Variants in PDGFRB observed in about 807,000 individuals in gnomAD.
The protein encoded by PDGFRB is platelet-derived growth factor receptor beta.
A neutral mutation model predicts 120.2 loss-of-function variants in PDGFRB; 42 were observed. That is an observed-to-expected ratio of 0.35 (90% confidence interval 0.27 to 0.45). The LOEUF (loss-of-function observed/expected upper bound fraction) is 0.45. Among genes scored for constraint, PDGFRB ranks in the 20% least tolerant of loss-of-function variants. The probability of loss-of-function intolerance (pLI) is 1.00; values close to 1 mark genes in which losing one functional copy is unlikely to be tolerated. For synonymous variants in PDGFRB, 586 were observed against 606.8 expected, an observed-to-expected ratio of 0.97 and a Z score of 0.50; for missense variants, 1,149 against 1,476.3, an observed-to-expected ratio of 0.78 and a Z score of 3.63.
chr5:150,118,268 T>G (rs1760026505), intron 21 of PDGFRB, among the ~76,000 whole-genome samples: 1 of 152,138 alleles, frequency 6.6e-6, no homozygotes, highest in Admixed American at 6.5e-5. Context: ...AAGAAGGAGC[T>G]GCCTCTGTGT....
In PDGFRB at chr5:150,121,991, T is replaced by G. The variant is rs2113891291; in HGVS notation, c.2233A>C (p.Lys745Gln). The part of the protein sequence containing the change: ...ESDGGYMDMS[K>Q]DESVDYVPML... ...GGCACATAGTCCACCGACTCGTCCTTGCTCATGTCCATGTAGCCACCGTCG... is the reference window on the plus strand; with the variant it reads ...GGCACATAGTCCACCGACTCGTCCTGGCTCATGTCCATGTAGCCACCGTCG... Residue 745 changes from lysine (K) to glutamine (Q), a missense_variant, in exon 16 of 23, where the codon AAG becomes CAG. This residue lies in a region of PDGFRB where 879 missense variants were observed against 1,108.6 expected (regional missense o/e 0.79). Transcript: ENST00000261799. This position sits in a 1 kb window ranked among gnomAD's most constrained non-coding sequence, Gnocchi z 4.1. 6.2e-7 allele frequency: 1 copy of G among 1,613,940 alleles called. No individual in the cohort carries two copies. The highest frequency in any genetic ancestry group is 1.3e-5 in the African/African-American group (1 of 75,050).
intron 12 of PDGFRB, 75 bp from the exon 13 acceptor site, chr5:150,124,906 C>T (rs1760252914): frequency 7.4e-6 from 5 of 672,650 alleles, no homozygotes; most frequent in South Asian, 3.6e-5. Flanking sequence ...CCCCTCCCCC[C>T]ACTCCCCTAC....
intron 1 of PDGFRB, among the ~76,000 whole-genome samples, chr5:150,146,821 G>A (rs565110625): frequency 1.3e-4 from 20 of 152,194 alleles, no homozygotes; most frequent in Non-Finnish European, 2.1e-4. Context: ...CTCTAATGGC[G>A]TCCATACGGA....
chr5:150,117,349 G>A (rs1003794457), intron 22 of PDGFRB, among the ~76,000 whole-genome samples: 1 of 152,142 alleles, frequency 6.6e-6, no homozygotes, highest in Non-Finnish European at 1.5e-5. Context: ...TAACCTCTGG[G>A]GGCTCCCTTA....
Position 150,129,729 on chromosome 5 carries a change from T to C in PDGFRB, c.1579+28A>G, listed in dbSNP as rs764495009. 5.7e-6 allele frequency: 9 copies of C among 1,580,556 alleles called. No individual in the cohort carries two copies. The East Asian group carries it at 1.8e-4, about 31-fold the overall frequency. On this transcript the variant is annotated intron_variant, in intron 10 of 22. Transcript: ENST00000261799. The stretch of plus-strand genomic sequence containing the variant: ...AGGATTAAGGTAGGGATTGGGATCG[T>C]CAGGGGCCACTGAGGCTGGGGACTC...
intron 1 of PDGFRB, among the ~76,000 whole-genome samples, chr5:150,150,702 G>GA (rs1309102482): frequency 6.6e-6 from 1 of 152,074 alleles, no homozygotes; most frequent in African/African-American, 2.4e-5. Flanking sequence ...GCTCAGGAGG[G>GA]ATGTGAAGTG....
In PDGFRB at chr5:150,133,950, G is replaced by A. The variant is rs1645918062; in HGVS notation, c.690C>T (p.Asn230=). Residue 230 remains asparagine, a synonymous_variant, in exon 5 of 23, where the codon AAC becomes AAT. Transcript: ENST00000261799. ...AVQTVVRQGE[N]ITLMCIVIGN... ...CGATCACAATGCACATGAGGGTGAT[G>A]TTCTCACCCTGGCGGACCACAGTCT... is the stretch of plus-strand genomic sequence containing the variant. 1 of 1,610,566 alleles carries A rather than the reference G, an allele frequency of 6.2e-7. No individual in the cohort carries two copies. Among genetic ancestry groups the A allele is most frequent in the African/African-American group, 1.3e-5 (1 of 74,970 alleles).
At chr5:150,130,370 C>T (rs931787071) in intron 9 of PDGFRB, among the ~76,000 whole-genome samples, 169 bp downstream of exon 9, 1 of 152,154 alleles carries the variant, frequency 6.6e-6, no homozygotes, top group Non-Finnish European at 1.5e-5. Flanking sequence ...GGAAAAGGGA[C>T]CATTTAGGTC....
intron 1 of PDGFRB, among the ~76,000 whole-genome samples, chr5:150,145,391 T>G (rs1760893025): frequency 6.6e-6 from 1 of 152,258 alleles, no homozygotes; most frequent in Admixed American, 6.5e-5. Flanking sequence ...AACTTTGCAG[T>G]TGGTGGCTGT....
intron 19 of PDGFRB, 122 bp downstream of exon 19, chr5:150,119,890 G>T: frequency 1.4e-6 from 1 of 697,862 alleles, no homozygotes; most frequent in Non-Finnish European, 2.7e-6. Flanking sequence ...TAGCAGAGCT[G>T]GGACCTGAAC....
Position 150,133,633 on chromosome 5 carries a change from C to G in PDGFRB, c.887G>C (p.Ser296Thr), listed in dbSNP as rs1760538187. 1 of 1,614,028 alleles carries G rather than the reference C, an allele frequency of 6.2e-7. No homozygotes were observed. The highest frequency in any genetic ancestry group is 1.3e-5 in the African/African-American group (1 of 74,924). The stretch of plus-strand genomic sequence containing the variant: ...CTTTTCATCCTGATGGTCATTCACA[C>G]TCTCCGTCACATTGCAGGTGTAGGT... ...SGTYTCNVTESVNDHQDEKAI... is the reference protein window; with the variant it reads ...SGTYTCNVTETVNDHQDEKAI... The change falls in exon 6 of 23, where the codon AGT becomes ACT. Residue 296 changes from serine to threonine, a missense_variant. By Grantham distance (58) the Ser-to-Thr change is moderately conservative (BLOSUM62 1). This residue lies in a region of PDGFRB where 879 missense variants were observed against 1,108.6 expected (regional missense o/e 0.79). Coordinates refer to ENST00000261799, the MANE Select transcript of PDGFRB (RefSeq NM_002609.4).
chr5:150,119,193 G>A (rs1164528517), intron 20 of PDGFRB, among the ~76,000 whole-genome samples: 1 of 152,176 alleles, frequency 6.6e-6, no homozygotes, highest in Non-Finnish European at 1.5e-5. Context: ...GACTTTTGCT[G>A]GCACTATGGA....
intron 8 of PDGFRB, among the ~76,000 whole-genome samples, chr5:150,131,209 A>C (rs1372127134): frequency 6.6e-6 from 1 of 152,156 alleles, no homozygotes; most frequent in East Asian, 1.9e-4. Flanking sequence ...CACCAGGCCC[A>C]CAAAGACCTA....
chr5:150,117,580 T>G (rs372259018), intron 22 of PDGFRB, 38 bp downstream of exon 22: 1 of 995,752 alleles, frequency 1.0e-6, no homozygotes, highest in South Asian at 1.4e-5. Flanking sequence ...ACACACACAC[T>G]GTGCACAATT....
chr5:150,136,140 G>A (rs571037694), intron 2 of PDGFRB, among the ~76,000 whole-genome samples: 1 of 152,224 alleles, frequency 6.6e-6, no homozygotes, highest in Admixed American at 6.5e-5. Flanking sequence ...TGTGTAGGCA[G>A]TAGGCACCAG....
Position 150,121,824 on chromosome 5 carries a change from T to A in PDGFRB, c.2344+56A>T. On this transcript the variant is annotated intron_variant, in intron 16 of 22. Coordinates refer to ENST00000261799, the MANE Select transcript of PDGFRB (RefSeq NM_002609.4). This position sits in a 1 kb window ranked among gnomAD's most constrained non-coding sequence, Gnocchi z 4.1. The stretch of plus-strand genomic sequence containing the variant: ...TCAGGGTTTTTGGCAAGGCTGGGCA[T>A]GTGAAGAGCATCAGCCTGTTTGGAT... 1 of 1,341,504 alleles carries A rather than the reference T, an allele frequency of 7.5e-7. No homozygotes were observed. The highest frequency in any genetic ancestry group is 1.4e-5 in the African/African-American group (1 of 69,918). The allele number at this position is 1,341,504 out of a possible 1,614,324, so 83.1% of individuals were successfully genotyped here. A position where few individuals can be genotyped will look rare whatever the true frequency, so the allele number is the denominator to read the frequency against.
In PDGFRB at chr5:150,120,255, T is replaced by C. The variant is rs2304059; in HGVS notation, c.2587-132A>G. 3.9e-5 allele frequency: 25 copies of C among 641,386 alleles called. No homozygotes were observed. The East Asian group carries it at 6.8e-4, about 18-fold the overall frequency. 39.7% of individuals were successfully genotyped at this position (641,386 alleles called of 1,614,324 possible). On this transcript the variant is annotated intron_variant, in intron 18 of 22. Coordinates refer to ENST00000261799, the MANE Select transcript of PDGFRB (RefSeq NM_002609.4). This position sits in a 1 kb window ranked among gnomAD's most constrained non-coding sequence, Gnocchi z 4.3. ...TCCGTCCCATTCCCTGTGAGGGCCCTGGTCTCTGCGCAGCACAGTTCCCAT... is the reference window on the plus strand; with the variant it reads ...TCCGTCCCATTCCCTGTGAGGGCCCCGGTCTCTGCGCAGCACAGTTCCCAT...
intron 1 of PDGFRB, among the ~76,000 whole-genome samples, chr5:150,144,386 C>T (rs970427638): frequency 6.6e-6 from 1 of 152,216 alleles, no homozygotes. Context: ...GCTGCCCCTC[C>T]AGCTCCCCAG....
At chr5:150,143,315 T>C (rs867576014) in intron 1 of PDGFRB, among the ~76,000 whole-genome samples, 3 of 152,250 alleles carry the variant, frequency 2.0e-5, no homozygotes, top group East Asian at 3.8e-4. Flanking sequence ...GTCCTGACCC[T>C]CTCTGAGCCT....
Sources: allele counts gnomAD v4.1 joint callset (sites outside exome capture counted in the v4.1 genomes callset), GRCh38; gene constraint gnomAD v4.1.1; regional missense constraint gnomAD v4.1.1; non-coding constraint Gnocchi (gnomAD v3.1); transcripts MANE v1.5; gene names NCBI Gene and HGNC (gene_info 2026-07-23, HGNC 2026-07-21).